Variants in OR6N1 observed in about 807,000 individuals in gnomAD.
OR6N1 encodes olfactory receptor family 6 subfamily N member 1, also known as olfactory receptor 6N1.
For synonymous variants in OR6N1, 170 were observed against 150.7 expected (o/e 1.13, Z -0.94); for missense variants, 394 against 371.7 (o/e 1.06, Z -0.49).
the OR6N1 span, among the ~76,000 whole-genome samples, chr1:158,792,932 C>T: frequency 7.9e-5 from 12 of 152,132 alleles, no homozygotes; most frequent in African/African-American, 2.9e-4. Flanking sequence ...GGTTTTGCCA[C>T]TTTACATGAT....
At chr1:158,815,699 T>C in the OR6N1 span, among the ~76,000 whole-genome samples, 214 of 152,356 alleles carry the variant, frequency 1.4e-3, 2 homozygotes, top group African/African-American at 4.8e-3. Context: ...GTCTATCTTG[T>C]AGATAGTGTT....
At chr1:158,777,731 T>G in the OR6N1 span, 2 of 748,278 alleles carry the variant, frequency 2.7e-6, no homozygotes, top group African/African-American at 3.5e-5. Context: ...TCTTTTTAAC[T>G]TAAAAGTAGC....
chr1:158,781,710 A>T, the OR6N1 span, among the ~76,000 whole-genome samples: 1 of 152,246 alleles, frequency 6.6e-6, no homozygotes. Flanking sequence ...CCTCTCTGAT[A>T]AGAGCTGCCT....
chr1:158,764,651 A>G lies in OR6N1; in HGVS notation c.*1093T>C, dbSNP rs892835555. On this transcript the variant is annotated 3_prime_UTR_variant, in exon 2 of 2. Coordinates refer to ENST00000641846, the MANE Select transcript of OR6N1 (RefSeq NM_001005185.2). ...ATCCTCCATTCATGGAAGGATACAT[A>G]AAGAATACATAATATTAGCTATTAA... 3 of 152,176 alleles carry G rather than the reference A, an allele frequency of 2.0e-5. No homozygotes were observed. The highest frequency in any genetic ancestry group is 7.2e-5 in the African/African-American group (3 of 41,468). 9.4% of individuals were successfully genotyped at this position (152,176 alleles called of 1,614,324 possible).
chr1:158,805,098 C>T, the OR6N1 span, among the ~76,000 whole-genome samples: 3 of 152,152 alleles, frequency 2.0e-5, no homozygotes, highest in African/African-American at 7.2e-5. Context: ...ACATCAAGGT[C>T]ACATGCCCTT....
At chr1:158,777,143 G>A (rs867945570), upstream of OR6N1, 3 of 1,613,998 alleles carry the variant, frequency 1.9e-6, no homozygotes, top group African/African-American at 4.0e-5. Flanking sequence ...AATGGGAGCT[G>A]GGAGGCAAGG....
chr1:158,829,673 T>G, the OR6N1 span, among the ~76,000 whole-genome samples: 1 of 152,238 alleles, frequency 6.6e-6, no homozygotes, highest in East Asian at 1.9e-4. Context: ...GTTTTAAAGT[T>G]GCTTCCACAT....
the OR6N1 span, among the ~76,000 whole-genome samples, chr1:158,780,846 G>C: frequency 6.6e-6 from 1 of 152,152 alleles, no homozygotes; most frequent in African/African-American, 2.4e-5. Context: ...GTCAGCACTT[G>C]ACCAATCTGT....
chr1:158,771,047 T>C (rs1478189474), intron 1 of OR6N1, among the ~76,000 whole-genome samples: 3 of 152,226 alleles, frequency 2.0e-5, no homozygotes, highest in Non-Finnish European at 2.9e-5. Context: ...AGTGGGTTTC[T>C]GTATTTAGCC....
the OR6N1 span, chr1:158,809,151 A>C: frequency 1.3e-5 from 2 of 152,934 alleles, no homozygotes; most frequent in African/African-American, 4.8e-5. Flanking sequence ...GACACTGATA[A>C]ATAAGTACAT....
the OR6N1 span, among the ~76,000 whole-genome samples, chr1:158,832,864 A>C: frequency 6.6e-6 from 1 of 152,020 alleles, no homozygotes; most frequent in African/African-American, 2.4e-5. Context: ...TTTTCCTCCT[A>C]GTTGATGAGT....
the OR6N1 span, among the ~76,000 whole-genome samples, chr1:158,779,933 T>C: frequency 6.6e-6 from 1 of 152,248 alleles, no homozygotes; most frequent in African/African-American, 2.4e-5. Context: ...GCAAATGTAG[T>C]ACTTCATTAA....
Position 158,766,505 on chromosome 1 carries a change from A to G in OR6N1, c.178T>C (p.Tyr60His), listed in dbSNP as rs1657275471. Residue 60 changes from tyrosine (Y) to histidine (H), a missense_variant, in exon 2 of 2, where the codon TAC (tyrosine) becomes CAC (histidine). By Grantham distance (83) the Tyr-to-His change is moderately conservative. Transcript: ENST00000641846. ...CLDSRLHTPM[Y>H]HFVSILSFSE... ...AAGGAGAGAATGCTGACAAAGTGGT[A>G]CATGGGTGTGTGAAGCCGGGAGTCC... The G allele has an allele frequency of 6.2e-7, 1 of 1,614,100 alleles. No individual in the cohort carries two copies. Among genetic ancestry groups the G allele is most frequent in the African/African-American group, 1.3e-5 (1 of 74,940 alleles).
chr1:158,785,509 TCTC>T, the OR6N1 span, among the ~76,000 whole-genome samples: 1 of 148,160 alleles, frequency 6.7e-6, no homozygotes, highest in Non-Finnish European at 1.5e-5. Context: ...ACCTATAAAT[TCTC>T]CTAACAATAC....
chr1:158,823,903 GT>G, the OR6N1 span, among the ~76,000 whole-genome samples: 1 of 152,082 alleles, frequency 6.6e-6, no homozygotes, highest in African/African-American at 2.4e-5. Context: ...ATTCTGATAT[GT>G]TTTATCTTTG....
chr1:158,813,546 A>G, the OR6N1 span, among the ~76,000 whole-genome samples: 1 of 152,136 alleles, frequency 6.6e-6, no homozygotes, highest in East Asian at 1.9e-4. Flanking sequence ...GAAAGACTGT[A>G]AGAAAACACT....
In OR6N1 at chr1:158,766,507, A is replaced by C; in HGVS notation, c.176T>G (p.Met59Arg). ...GGAGAGAATGCTGACAAAGTGGTAC[A>C]TGGGTGTGTGAAGCCGGGAGTCCAG... is the stretch of plus-strand genomic sequence containing the variant. ...VCLDSRLHTP[M>R]YHFVSILSFS... The change falls in exon 2 of 2, where the codon ATG becomes AGG. Residue 59 changes from methionine to arginine, a missense_variant. Coordinates refer to ENST00000641846, the MANE Select transcript of OR6N1 (RefSeq NM_001005185.2). The C allele has an allele frequency of 6.2e-7, 1 of 1,614,174 alleles. No individual in the cohort carries two copies. The highest frequency in any genetic ancestry group is 8.5e-7 in the Non-Finnish European group (1 of 1,180,022).
At chr1:158,826,905 A>G in the OR6N1 span, among the ~76,000 whole-genome samples, 1 of 152,198 alleles carries the variant, frequency 6.6e-6, no homozygotes, top group Non-Finnish European at 1.5e-5. Flanking sequence ...CTAGCAAGAA[A>G]TGAGGCTAGA....
chr1:158,818,656 C>T, the OR6N1 span, among the ~76,000 whole-genome samples: 34 of 152,092 alleles, frequency 2.2e-4, no homozygotes, highest in African/African-American at 7.7e-4. Context: ...CTCAGAGGCC[C>T]AACAATATGC....
Sources: allele counts gnomAD v4.1 joint callset (sites outside exome capture counted in the v4.1 genomes callset), GRCh38; gene constraint gnomAD v4.1.1; transcripts MANE v1.5; gene names NCBI Gene and HGNC (gene_info 2026-07-23, HGNC 2026-07-21).